Variants in CPSF1 observed in about 807,000 individuals in gnomAD.
The protein encoded by CPSF1 is cleavage and polyadenylation specific factor 1, also known as cleavage and polyadenylation specificity factor subunit 1.
Under a neutral mutation model 175.8 loss-of-function variants are expected in CPSF1, and 106 were observed. The observed-to-expected ratio is 0.60, with a 90% CI of 0.52 to 0.71. The LOEUF is 0.71. Ranked by LOEUF, CPSF1 falls within the 30% of genes least tolerant of loss-of-function variation. CPSF1 has a pLI of 0.00. For missense variants in CPSF1, 1,734 were observed against 2,022.9 expected (o/e 0.86, Z 2.74); for synonymous variants, 1,024 against 858.3 (o/e 1.19, Z -3.37).
rs2116884971 is a variant in CPSF1, at chr8:144,401,495, T to C, written c.241A>G (p.Met81Val). The change falls in exon 4 of 38, where the codon ATG (methionine) becomes GTG (valine). Residue 81 changes from methionine to valine, a missense_variant. Coordinates refer to ENST00000616140, the MANE Select transcript of CPSF1 (RefSeq NM_013291.3). ...SFSFFGNVMS[M>V]ASVQLAGAKR... ...GCTCCTGCCAGCTGCACGCTGGCCA[T>C]GGACATGACGTTGCCAAAGAAGGAG... is the stretch of plus-strand genomic sequence containing the variant. 185 of 1,613,900 alleles carry C rather than the reference T, an allele frequency of 1.1e-4. No homozygotes were observed. The highest frequency in any genetic ancestry group is 1.5e-4 in the Non-Finnish European group (176 of 1,179,996).
intron 4 of CPSF1, 27 bp from the exon 5 acceptor site, chr8:144,401,318 T>G: frequency 6.3e-7 from 1 of 1,589,600 alleles, no homozygotes. Context: ...CAGCCGTGGC[T>G]GCCGACTGCC....
chr8:144,394,353 C>G (rs782460811), intron 32 of CPSF1, 26 bp downstream of exon 32: 2 of 1,590,534 alleles, frequency 1.3e-6, no homozygotes, highest in Admixed American at 3.4e-5. Context: ...CCCACCCAGA[C>G]ACGAGCACCG....
Position 144,396,438 on chromosome 8 carries a change from T to C in CPSF1, c.2889A>G (p.Leu963=). Reference sequence around the variant, plus strand: ...CCGGGCCGTCGATGGCCATGGGGTGTAGCCGCAGAGCCCCTCGGCCGGTCA... The same window carrying C: ...CCGGGCCGTCGATGGCCATGGGGTGCAGCCGCAGAGCCCCTCGGCCGGTCA... ...LLVTGRGALR[L]HPMAIDGPVD... is the part of the protein sequence containing the mutation. The change falls in exon 26 of 38, where the codon CTA becomes CTG. Residue 963 remains leucine (L), a synonymous_variant. Coordinates refer to ENST00000616140, the MANE Select transcript of CPSF1 (RefSeq NM_013291.3). The C allele has an allele frequency of 6.3e-7, 1 of 1,596,764 alleles. No homozygotes were observed.
chr8:144,393,425 C>T (rs1410588937), intron 37 of CPSF1, 27 bp downstream of exon 37: 4 of 1,334,692 alleles, frequency 3.0e-6, no homozygotes, highest in East Asian at 3.0e-5. Flanking sequence ...AGGGGCGGGG[C>T]GCGCGGGGGG....
At position 144,400,170 on chromosome 8, in the gene CPSF1, C is replaced by A. The variant is rs2116873017; in HGVS notation, c.933G>T (p.Pro311=). The change falls in exon 9 of 38, where the codon CCG becomes CCT. Residue 311 remains proline, a synonymous_variant. Transcript: ENST00000616140. ...CCCCAGCCACCCCACACTCACGAAG[C>A]GGGAAAGCCGTGGTTCCTGTGGTGA... ...NSLTTGTTAF[P]LRTQEGVRIT... The A allele has an allele frequency of 1.3e-6, 2 of 1,482,180 alleles. No individual in the cohort carries two copies. The highest frequency in any genetic ancestry group is 2.0e-5 in the Admixed American group (1 of 49,728). The allele number at this position is 1,482,180 out of a possible 1,614,324, so 91.8% of individuals were successfully genotyped here. A position where few individuals can be genotyped will look rare whatever the true frequency, so the allele number is the denominator to read the frequency against.
At chr8:144,407,496 A>G (rs1023665784) in intron 2 of CPSF1, among the ~76,000 whole-genome samples, 15 of 152,222 alleles carry the variant, frequency 9.9e-5, no homozygotes, top group African/African-American at 3.6e-4. Flanking sequence ...AGCCTGGCCA[A>G]TGTGGCGAAA....
chr8:144,396,294 G>A, intron 26 of CPSF1, 54 bp downstream of exon 26: 1 of 1,526,262 alleles, frequency 6.6e-7, no homozygotes, highest in Non-Finnish European at 8.9e-7. Context: ...CTCCCCCTCA[G>A]CCCCCAGCTG....
In CPSF1 at chr8:144,396,634, A is replaced by T; in HGVS notation, c.2790T>A (p.Arg930=). 1.9e-6 allele frequency: 3 copies of T among 1,613,606 alleles called. No individual in the cohort carries two copies. Among genetic ancestry groups the T allele is most frequent in the South Asian group, 1.1e-5 (1 of 91,062 alleles). Residue 930 remains arginine (R), a synonymous_variant, in exon 25 of 38, where the codon CGT becomes CGA. Transcript: ENST00000616140. ...CATAAATATCCTCGAAGTAGCGGAA[A>T]CGCGCCACGCGGCCCCGGGCCCCAG... The part of the protein sequence containing the change: ...EGAGARGRVA[R]FRYFEDIYGY...
chr8:144,405,698 G>A (rs914293649), intron 2 of CPSF1, among the ~76,000 whole-genome samples: 8 of 152,204 alleles, frequency 5.3e-5, no homozygotes, highest in African/African-American at 1.9e-4. Context: ...TGGGCTGGAG[G>A]CTGCCTTTAG....
Position 144,397,514 on chromosome 8 carries a change from C to G in CPSF1, c.2358G>C (p.Leu786=), listed in dbSNP as rs1820845636. The G allele has an allele frequency of 6.3e-7, 1 of 1,586,168 alleles. No individual in the cohort carries two copies. The highest frequency in any genetic ancestry group is 1.1e-5 in the South Asian group (1 of 88,182). ...PFRAEPTHWC[L]LVRENGTMEI... ...CCATGGTGCCATTCTCCCGCACCAG[C>G]AGGCACCAGTGGGTAGGCTCTGCCC... The change falls in exon 22 of 38, where the codon CTG becomes CTC. Residue 786 remains leucine, a synonymous_variant. Transcript: ENST00000616140.
At chr8:144,400,585 G>A (rs1821141364) in intron 7 of CPSF1, 86 bp downstream of exon 7, 1 of 1,602,726 alleles carries the variant, frequency 6.2e-7, no homozygotes, top group African/African-American at 1.3e-5. Context: ...CACCCCATAG[G>A]CCCCGCCCTA....
In CPSF1 at chr8:144,393,262, T is replaced by C; in HGVS notation, c.*56A>G. 6.9e-7 allele frequency: 1 copy of C among 1,448,036 alleles called. No homozygotes were observed. Among genetic ancestry groups the C allele is most frequent in the Non-Finnish European group, 9.2e-7 (1 of 1,089,166 alleles). The allele number at this position is 1,448,036 out of a possible 1,614,324, so 89.7% of individuals were successfully genotyped here. On this transcript the variant is annotated 3_prime_UTR_variant, in exon 38 of 38. Transcript: ENST00000616140. ...AAAAAATGTTTTTCCTTGTGTTTTG[T>C]ACAAAAAGGGGGTGGGAGGTAGTTC... is the stretch of plus-strand genomic sequence containing the variant.
At chr8:144,396,286 C>G in intron 26 of CPSF1, 62 bp downstream of exon 26, 2 of 1,505,034 alleles carry the variant, frequency 1.3e-6, no homozygotes, top group Non-Finnish European at 1.8e-6. Context: ...CCTGTCCCCT[C>G]CCCCTCAGCC....
chr8:144,408,826 G>A (rs2116911975), intron 2 of CPSF1, among the ~76,000 whole-genome samples, 189 bp downstream of exon 2: 1 of 152,246 alleles, frequency 6.6e-6, no homozygotes, highest in Non-Finnish European at 1.5e-5. Flanking sequence ...AAGGGAGGCA[G>A]AACAGGGTAG....
chr8:144,398,469 C>T (rs2116850118), intron 18 of CPSF1, 26 bp from the exon 19 acceptor site: 34 of 1,612,712 alleles, frequency 2.1e-5, no homozygotes, highest in East Asian at 4.5e-5. Flanking sequence ...GTGAGGGAGG[C>T]GCCCCCCGCA....
At position 144,398,505 on chromosome 8, in the gene CPSF1, T is replaced by C. The variant is rs1387758592; in HGVS notation, c.1752+20A>G. The C allele has an allele frequency of 3.7e-6, 6 of 1,612,984 alleles. No homozygotes were observed. The highest frequency in any genetic ancestry group is 5.1e-6 in the Non-Finnish European group (6 of 1,179,772). ...GGGGACCCCAGCCCCAGGTCCCAGGTCCCAGGCCCTGCCCCTCACCATGGT... is the reference window on the plus strand; with the variant it reads ...GGGGACCCCAGCCCCAGGTCCCAGGCCCCAGGCCCTGCCCCTCACCATGGT... On this transcript the variant is annotated intron_variant, in intron 18 of 37. Coordinates refer to ENST00000616140, the MANE Select transcript of CPSF1 (RefSeq NM_013291.3).
Position 144,398,579 on chromosome 8 carries a change from G to T in CPSF1, c.1698C>A (p.Asp566Glu). ...EQEPSTTPEA[D>E]DDGRRHGFLI... The stretch of plus-strand genomic sequence containing the variant: ...GGAATCCGTGTCTGCGGCCGTCGTC[G>T]TCTGCTTCAGGGGTGGTGCTGGGTT... Residue 566 changes from aspartate (D) to glutamate (E), a missense_variant, in exon 18 of 38, where the codon GAC becomes GAA. Coordinates refer to ENST00000616140, the MANE Select transcript of CPSF1 (RefSeq NM_013291.3). The T allele has an allele frequency of 1.2e-6, 2 of 1,613,884 alleles. No individual in the cohort carries two copies. The highest frequency in any genetic ancestry group is 1.7e-6 in the Non-Finnish European group (2 of 1,179,972).
At position 144,396,425 on chromosome 8, in the gene CPSF1, T is replaced by C. The variant is rs951544440; in HGVS notation, c.2902A>G (p.Ile968Val). ...RGALRLHPMA[I>V]DGPVDSFAPF... ...GCGAAAGAGTCGACCGGGCCGTCGA[T>C]GGCCATGGGGTGTAGCCGCAGAGCC... Residue 968 changes from isoleucine (I) to valine (V), a missense_variant, in exon 26 of 38, where the codon ATC becomes GTC. Physicochemically the swap from Ile to Val is conservative, Grantham distance 29 (BLOSUM62 3). Transcript: ENST00000616140. 3.1e-6 allele frequency: 5 copies of C among 1,594,964 alleles called. No individual in the cohort carries two copies. Among genetic ancestry groups the C allele is most frequent in the East Asian group, 4.5e-5 (2 of 44,316 alleles).
At chr8:144,407,090 T>A (rs2116907272) in intron 2 of CPSF1, among the ~76,000 whole-genome samples, 1 of 152,072 alleles carries the variant, frequency 6.6e-6, no homozygotes, top group Non-Finnish European at 1.5e-5. Context: ...AATTTTTGTA[T>A]TTTTAGTAGA....
Sources: allele counts gnomAD v4.1 joint callset (sites outside exome capture counted in the v4.1 genomes callset), GRCh38; gene constraint gnomAD v4.1.1; transcripts MANE v1.5; gene names NCBI Gene and HGNC (gene_info 2026-07-23, HGNC 2026-07-21).